The following ZNF423 variants were observed in gnomAD, a reference collection of about 807,000 sequenced individuals.
The protein encoded by ZNF423 is zinc finger protein 423.
ZNF423 carries 12 observed loss-of-function variants against 95.8 expected under a neutral mutation model. The observed-to-expected ratio is 0.13, with a 90% CI of 0.08 to 0.20. The LOEUF (loss-of-function observed/expected upper bound fraction) is 0.20. Among genes scored for constraint, ZNF423 ranks in the 10% least tolerant of loss-of-function variants. The pLI, the probability that ZNF423 is intolerant of heterozygous loss-of-function variation, is 1.00. For synonymous variants in ZNF423, 749 were observed against 711.9 expected, an observed-to-expected ratio of 1.05 and a Z score of -0.83; for missense variants, 1,316 against 1,737.1, an observed-to-expected ratio of 0.76 and a Z score of 4.31.
chr16:49,501,465 T>C (rs1967398405), intron 7 of ZNF423, among the ~76,000 whole-genome samples: 1 of 152,122 alleles, frequency 6.6e-6, no homozygotes, highest in Admixed American at 6.6e-5. Flanking sequence ...GAAAGCAGTT[T>C]GGAGATTTTT....
intron 3 of ZNF423, among the ~76,000 whole-genome samples, chr16:49,701,124 T>A (rs2032166378): frequency 6.6e-6 from 1 of 152,248 alleles, no homozygotes; most frequent in Non-Finnish European, 1.5e-5. Context: ...GCAGCTTAAA[T>A]TAACCCTAAG....
chr16:49,703,171 G>A (rs1049042889), intron 3 of ZNF423, among the ~76,000 whole-genome samples: 2 of 152,276 alleles, frequency 1.3e-5, no homozygotes, highest in Non-Finnish European at 2.9e-5. Flanking sequence ...CCAGAGAGGC[G>A]ACCTGCTTAA....
At chr16:49,768,774 A>G (rs1298707443) in intron 2 of ZNF423, among the ~76,000 whole-genome samples, 1 of 151,630 alleles carries the variant, frequency 6.6e-6, no homozygotes, top group Non-Finnish European at 1.5e-5. Context: ...CCACACACTC[A>G]TGGCACCCAA....
intron 7 of ZNF423, among the ~76,000 whole-genome samples, chr16:49,507,603 A>G (rs1967697038): frequency 6.7e-6 from 1 of 150,000 alleles, no homozygotes; most frequent in African/African-American, 2.5e-5. Context: ...CCGCTCAAAC[A>G]CTCAAACCCA....
rs1966941146 is a variant in ZNF423 at position 49,491,157 on chromosome 16, A to G, written c.*118T>C. Reference sequence around the variant, plus strand: ...AATAGCAGCGCCTCATGGCCAAATCATTAGAGTTTTACATCTGGGTTGCAA... The same window carrying G: ...AATAGCAGCGCCTCATGGCCAAATCGTTAGAGTTTTACATCTGGGTTGCAA... On this transcript the variant is annotated 3_prime_UTR_variant, in exon 8 of 8. Transcript: ENST00000563137. 4 of 1,239,842 alleles carry G rather than the reference A, an allele frequency of 3.2e-6. No individual in the cohort carries two copies. The highest frequency in any genetic ancestry group is 4.7e-6 in the Non-Finnish European group (4 of 842,696). 76.8% of individuals were successfully genotyped at this position (1,239,842 alleles called of 1,614,324 possible).
chr16:49,807,173 T>A lies in ZNF423; in HGVS notation c.41-17627A>T, dbSNP rs373611348. Among the ~76,000 whole-genome samples the A allele has an allele frequency of 1.6e-4, 24 of 152,252 alleles. No individual in the cohort carries two copies. In the South Asian group the frequency reaches 3.9e-3, roughly 25 times the overall value. On this transcript the variant is annotated intron_variant, in intron 1 of 7. Transcript: ENST00000563137. Reference sequence around the variant, plus strand: ...CAGGCCGGGGGCGGTGGCTCACGCCTGTAATTCCAGCACTTTGGGAGGCTG... The same window carrying A: ...CAGGCCGGGGGCGGTGGCTCACGCCAGTAATTCCAGCACTTTGGGAGGCTG...
intron 2 of ZNF423, among the ~76,000 whole-genome samples, chr16:49,786,176 A>T (rs1164284260): frequency 6.6e-6 from 1 of 152,140 alleles, no homozygotes; most frequent in Non-Finnish European, 1.5e-5. Context: ...TATTGCCATG[A>T]GCTGATCATT....
At chr16:49,552,619 G>A (rs1253338054) in intron 5 of ZNF423, among the ~76,000 whole-genome samples, 2 of 152,142 alleles carry the variant, frequency 1.3e-5, no homozygotes, top group African/African-American at 4.8e-5. Flanking sequence ...AAAATCAATA[G>A]TAATGCCCAA....
rs146233664 is a variant in ZNF423 at position 49,730,783 on chromosome 16, G to A, written c.289C>T (p.Arg97Cys). 25 of 1,614,194 alleles carry A rather than the reference G, an allele frequency of 1.5e-5. No individual in the cohort carries two copies. Among genetic ancestry groups the A allele is most frequent in the East Asian group, 1.1e-4 (5 of 44,880 alleles). The change falls in exon 3 of 8, where the codon CGC (arginine) becomes TGC (cysteine). Residue 97 changes from arginine to cysteine, a missense_variant. By Grantham distance (180) the Arg-to-Cys change is radical. Coordinates refer to ENST00000563137, the MANE Select transcript of ZNF423 (RefSeq NM_001379286.1). ...LADLTDHRAH[R>C]CPGDGDDDPQ... ...TGTTTTGCATTACCTCCAGGACAGCGGTGGGCCCGGTGGTCCGTCAGGTCT... is the reference window on the plus strand; with the variant it reads ...TGTTTTGCATTACCTCCAGGACAGCAGTGGGCCCGGTGGTCCGTCAGGTCT...
intron 5 of ZNF423, among the ~76,000 whole-genome samples, chr16:49,573,319 G>A (rs1311088466): frequency 6.6e-6 from 1 of 152,116 alleles, no homozygotes; most frequent in Non-Finnish European, 1.5e-5. Context: ...GTATCTCCTT[G>A]GCTTACCTAA....
intron 2 of ZNF423, among the ~76,000 whole-genome samples, chr16:49,776,456 G>A (rs2143742215): frequency 6.6e-6 from 1 of 152,338 alleles, no homozygotes; most frequent in South Asian, 2.1e-4. Context: ...GAGGGAAGGA[G>A]GCCATTGTCG....
intron 1 of ZNF423, among the ~76,000 whole-genome samples, chr16:49,817,710 G>A (rs911711284): frequency 2.6e-5 from 4 of 152,184 alleles, no homozygotes; most frequent in African/African-American, 9.7e-5. Flanking sequence ...AACTCAGTAA[G>A]AAACAAGACC....
At position 49,626,195 on chromosome 16, in the gene ZNF423, T is replaced by C. The variant is rs780583416; in HGVS notation, c.3576A>G (p.Gln1192=). Residue 1192 remains glutamine, a synonymous_variant, in exon 5 of 8, where the codon CAA becomes CAG. Transcript: ENST00000563137. ...CAATCATGTGGTTGGCAACGTGGAT[T>C]TGGATCTCTCTCTCGTTCTCGAAGG... ...QMTFENEREI[Q]IHVANHMIEE... 1.2e-6 allele frequency: 2 copies of C among 1,614,080 alleles called. No individual in the cohort carries two copies. Among genetic ancestry groups the C allele is most frequent in the Non-Finnish European group, 1.7e-6 (2 of 1,179,956 alleles).
At chr16:49,572,606 A>G (rs1970384694) in intron 5 of ZNF423, among the ~76,000 whole-genome samples, 1 of 152,196 alleles carries the variant, frequency 6.6e-6, no homozygotes, top group Non-Finnish European at 1.5e-5. Context: ...GTCTTTGAGA[A>G]GTGGCATGAT....
chr16:49,822,600 C>G, intron 1 of ZNF423: 1 of 1,320,032 alleles, frequency 7.6e-7, no homozygotes, highest in Non-Finnish European at 1.1e-6. Context: ...GAACTAAGCT[C>G]TAGTTCGAGC....
chr16:49,509,826 C>T (rs1967808387), intron 7 of ZNF423, among the ~76,000 whole-genome samples: 1 of 152,236 alleles, frequency 6.6e-6, no homozygotes, highest in South Asian at 2.1e-4. Context: ...TTCAGGCTGC[C>T]TGGGTTCAAA....
At chr16:49,823,981 G>A (rs1311726922) in intron 1 of ZNF423, among the ~76,000 whole-genome samples, 1 of 152,248 alleles carries the variant, frequency 6.6e-6, no homozygotes, top group East Asian at 1.9e-4. Context: ...TGCTCAGGAG[G>A]CTGTGGGAAG....
chr16:49,744,437 C>T (rs1042649219), intron 2 of ZNF423, among the ~76,000 whole-genome samples: 6 of 151,772 alleles, frequency 4.0e-5, no homozygotes, highest in African/African-American at 7.2e-5. Flanking sequence ...GTGGAGTGTC[C>T]CCAGGCCGAG....
At chr16:49,525,241 G>T in intron 6 of ZNF423, 122 bp downstream of exon 6, 1 of 1,435,556 alleles carries the variant, frequency 7.0e-7, no homozygotes. Context: ...CCCCAACGGA[G>T]TCCTGGTCTA....
Sources: allele counts gnomAD v4.1 joint callset (sites outside exome capture counted in the v4.1 genomes callset), GRCh38; gene constraint gnomAD v4.1.1; transcripts MANE v1.5; gene names NCBI Gene and HGNC (gene_info 2026-07-23, HGNC 2026-07-21).